The following HLF variants were observed in gnomAD, a reference collection of about 807,000 sequenced individuals.
HLF encodes HLF transcription factor, PAR bZIP family member, also known as hepatic leukemia factor.
A neutral mutation model predicts 22.6 loss-of-function variants in HLF; 3 were observed. The observed-to-expected ratio is 0.13, with a 90% confidence interval of 0.06 to 0.34. The LOEUF (loss-of-function observed/expected upper bound fraction) is 0.34, where lower values mean the gene tolerates loss of function less well. HLF is among the 10% of genes least tolerant of loss of function. The probability of loss-of-function intolerance (pLI) is 1.00; values close to 1 mark genes in which losing one functional copy is unlikely to be tolerated. For missense variants in HLF, 299 were observed against 389.2 expected (o/e 0.77, Z 1.95); for synonymous variants, 151 against 151.8 (o/e 0.99, Z 0.04).
chr17:55,320,777 G>GGCT lies in HLF; in HGVS notation c.787_788insCTG (p.Lys262_Glu263insAla). ...CCATCCGGGCCTCGTTCCTGGAGAA[G>GGCT]GAGAACTCGGCCCTCCGCCAGGAGG... is the stretch of plus-strand genomic sequence containing the variant. On this transcript the variant is annotated inframe_insertion, in exon 4 of 4. Coordinates refer to ENST00000226067, the MANE Select transcript of HLF (RefSeq NM_002126.5). This position sits in a 1 kb window ranked among gnomAD's most constrained non-coding sequence, Gnocchi z 4.2. 1 of 1,613,992 alleles carries GGCT rather than the reference G, an allele frequency of 6.2e-7. No homozygotes were observed.
intron 2 of HLF, among the ~76,000 whole-genome samples, chr17:55,300,778 AGCTCTGCCTGGTT>A (rs1245257374): frequency 6.6e-6 from 1 of 152,174 alleles, no homozygotes; most frequent in African/African-American, 2.4e-5. Context: ...CTGTAAGCCA[AGCTCTGCCTGGTT>A]GCCACAACAA....
chr17:55,280,578 C>CA (rs1349161820), intron 2 of HLF, among the ~76,000 whole-genome samples: 1 of 152,148 alleles, frequency 6.6e-6, no homozygotes, highest in Non-Finnish European at 1.5e-5. Context: ...AACATACTGC[C>CA]AGATTTGTGT....
In HLF at chr17:55,265,421, T is replaced by C; in HGVS notation, c.-64T>C. The C allele has an allele frequency of 2.1e-6, 2 of 952,732 alleles. No homozygotes were observed. Among genetic ancestry groups the C allele is most frequent in the Non-Finnish European group, 3.3e-6 (2 of 615,134 alleles). The allele number at this position is 952,732 out of a possible 1,614,324, so 59.0% of individuals were successfully genotyped here. ...GGACGGAGGAAAAGCTCAGCAACAT[T>C]TTAGGGGGCGGTTGTTTCTTTCTTA... is the stretch of plus-strand genomic sequence containing the variant. On this transcript the variant is annotated 5_prime_UTR_variant, in exon 1 of 4. Transcript: ENST00000226067.
intron 2 of HLF, among the ~76,000 whole-genome samples, chr17:55,306,979 T>A (rs1354499689): frequency 6.6e-6 from 1 of 152,038 alleles, no homozygotes; most frequent in Non-Finnish European, 1.5e-5. Flanking sequence ...CCTGTAGATC[T>A]CAGCTAGGTT....
chr17:55,311,409 C>T (rs1449367096), intron 2 of HLF, among the ~76,000 whole-genome samples: 1 of 151,928 alleles, frequency 6.6e-6, no homozygotes, highest in Admixed American at 6.6e-5. Context: ...GAGGCTGAGG[C>T]AGGAGAATGG....
At position 55,321,579 on chromosome 17, in the gene HLF, G is replaced by T; in HGVS notation, c.*700G>T. ...GTACTATTAATAGAACACAGAGTGT[G>T]TTTTTGCACTGTCTGTACCTAAAGC... On this transcript the variant is annotated 3_prime_UTR_variant, in exon 4 of 4. Transcript: ENST00000226067. 4.4e-6 allele frequency: 1 copy of T among 229,210 alleles called. No homozygotes were observed. The highest frequency in any genetic ancestry group is 8.7e-6 in the Non-Finnish European group (1 of 115,324). 14.2% of individuals were successfully genotyped at this position (229,210 alleles called of 1,614,324 possible). A position where few individuals can be genotyped will look rare whatever the true frequency, so the allele number is the denominator to read the frequency against.
chr17:55,270,724 G>A (rs183173035), intron 2 of HLF, among the ~76,000 whole-genome samples: 1,728 of 145,870 alleles, frequency 0.012, 34 homozygotes, highest in African/African-American at 0.041. Context: ...GCAGTGGCGC[G>A]ATCTCAGCTC....
intron 2 of HLF, among the ~76,000 whole-genome samples, chr17:55,296,861 C>A (rs1209904330): frequency 6.6e-6 from 1 of 151,668 alleles, no homozygotes; most frequent in African/African-American, 2.4e-5. Flanking sequence ...TTACAGAGCC[C>A]AGGCCCCATT....
rs913956229 is a variant in HLF at position 55,324,094 on chromosome 17, T to G, written c.*3215T>G. The G allele has an allele frequency of 4.4e-6, 1 of 227,260 alleles. No individual in the cohort carries two copies. Among genetic ancestry groups the G allele is most frequent in the African/African-American group, 2.2e-5 (1 of 45,022 alleles). 14.1% of individuals were successfully genotyped at this position (227,260 alleles called of 1,614,324 possible). Reference sequence around the variant, plus strand: ...TCTTTCTCTTCAGGAAGTGGCCACTTTGAACCATTCAAATACCACATTAGG... The same window carrying G: ...TCTTTCTCTTCAGGAAGTGGCCACTGTGAACCATTCAAATACCACATTAGG... On this transcript the variant is annotated 3_prime_UTR_variant, in exon 4 of 4. Transcript: ENST00000226067.
In HLF at chr17:55,322,767, G is replaced by T; in HGVS notation, c.*1888G>T. ...TTCGAAATTCTGAGTTCCTGGAATGGCACGTTGCTGCCAGTGCCCCAGACA... is the reference window on the plus strand; with the variant it reads ...TTCGAAATTCTGAGTTCCTGGAATGTCACGTTGCTGCCAGTGCCCCAGACA... On this transcript the variant is annotated 3_prime_UTR_variant, in exon 4 of 4. Transcript: ENST00000226067. The T allele has an allele frequency of 4.4e-6, 1 of 225,262 alleles. No homozygotes were observed. The highest frequency in any genetic ancestry group is 6.4e-5 in the East Asian group (1 of 15,534). The allele number at this position is 225,262 out of a possible 1,614,324, so 14.0% of individuals were successfully genotyped here.
intron 2 of HLF, among the ~76,000 whole-genome samples, chr17:55,280,950 C>T (rs914392170): frequency 5.3e-5 from 8 of 152,184 alleles, no homozygotes; most frequent in African/African-American, 1.9e-4. Context: ...AGAAGTTGAT[C>T]GATTTAAGAA....
intron 2 of HLF, among the ~76,000 whole-genome samples, chr17:55,301,613 C>T (rs765467303): frequency 5.3e-5 from 8 of 152,190 alleles, no homozygotes; most frequent in Non-Finnish European, 1.0e-4. Context: ...GCAAGATTGT[C>T]TAGAAACAAA....
chr17:55,308,186 G>A (rs903311724), intron 2 of HLF, among the ~76,000 whole-genome samples: 21 of 152,348 alleles, frequency 1.4e-4, no homozygotes, highest in South Asian at 6.2e-4. Context: ...ACAGTGTACC[G>A]CTGTGGAGAC....
intron 2 of HLF, among the ~76,000 whole-genome samples, chr17:55,274,013 CAAG>C (rs1220360075): frequency 3.2e-4 from 49 of 151,386 alleles, no homozygotes; most frequent in Non-Finnish European, 6.2e-4. Context: ...CAGCTCCTGC[CAAG>C]GGTCTTGGCA....
chr17:55,309,761 G>A (rs1200229487), intron 2 of HLF, among the ~76,000 whole-genome samples: 2 of 152,192 alleles, frequency 1.3e-5, no homozygotes, highest in African/African-American at 2.4e-5. Context: ...GTGTTTTGAC[G>A]TTACTGCTGC....
chr17:55,303,860 G>C (rs79412341), intron 2 of HLF, among the ~76,000 whole-genome samples: 1,645 of 152,274 alleles, frequency 0.011, 63 homozygotes, highest in Admixed American at 0.076. Context: ...GACTCCAGTT[G>C]GCCATATTGG....
In HLF at chr17:55,322,648, A is replaced by G. The variant is rs569201282; in HGVS notation, c.*1769A>G. The G allele has an allele frequency of 9.2e-6, 2 of 216,278 alleles. No individual in the cohort carries two copies. The highest frequency in any genetic ancestry group is 3.7e-4 in the South Asian group (2 of 5,376). The allele number at this position is 216,278 out of a possible 1,614,324, so 13.4% of individuals were successfully genotyped here. ...ATTAGGCCTCAGAAAGAAGTCAGTT[A>G]ACGTCACCCAAAAGCACAAAATGGA... is the stretch of plus-strand genomic sequence containing the variant. On this transcript the variant is annotated 3_prime_UTR_variant, in exon 4 of 4. Transcript: ENST00000226067.
chr17:55,277,234 TATGTGTATGTGTG>T (rs1384502847), intron 2 of HLF, among the ~76,000 whole-genome samples: 1 of 14,484 alleles, frequency 6.9e-5, no homozygotes, highest in Non-Finnish European at 2.0e-4. Context: ...AACCAGATGT[TATGTGTATGTGTG>T]TGTGTGTGTG....
At chr17:55,302,922 C>T (rs567084986) in intron 2 of HLF, among the ~76,000 whole-genome samples, 1 of 152,348 alleles carries the variant, frequency 6.6e-6, no homozygotes, top group South Asian at 2.1e-4. Context: ...TGCTTAGTGG[C>T]TCAACATCTA....
Sources: gnomAD v4.1 joint callset for allele counts (sites outside exome capture counted in the v4.1 genomes callset) on GRCh38, gnomAD v4.1.1 for gene constraint, Gnocchi (gnomAD v3.1) non-coding constraint, MANE v1.5 for transcripts, NCBI Gene and HGNC (gene_info 2026-07-23, HGNC 2026-07-21) for gene names.